SPIDR: variants seen among roughly 807,000 people sequenced by gnomAD.
SPIDR encodes scaffold protein involved in DNA repair, also known as DNA repair-scaffolding protein.
A neutral mutation model predicts 104.6 loss-of-function variants in SPIDR; 93 were observed. The observed-to-expected ratio is 0.89, with a 90% CI of 0.75 to 1.06. The LOEUF (loss-of-function observed/expected upper bound fraction) is 1.06. Among genes scored for constraint, SPIDR ranks in the 50% least tolerant of loss-of-function variants. The probability of loss-of-function intolerance (pLI) is 0.00; values close to 1 mark genes in which losing one functional copy is unlikely to be tolerated. For synonymous variants in SPIDR, 431 were observed against 416.9 expected (o/e 1.03, Z -0.41); for missense variants, 1,154 against 1,111.2 (o/e 1.04, Z -0.55).
chr8:47,324,568 A>T (rs1206892417), intron 5 of SPIDR, among the ~76,000 whole-genome samples: 1 of 152,164 alleles, frequency 6.6e-6, no homozygotes, highest in African/African-American at 2.4e-5. Flanking sequence ...GTCCTTAATC[A>T]CAAGTTAGAG....
At chr8:47,389,113 A>G (rs2060272566) in intron 5 of SPIDR, among the ~76,000 whole-genome samples, 1 of 152,230 alleles carries the variant, frequency 6.6e-6, no homozygotes, top group Non-Finnish European at 1.5e-5. Context: ...TTATGATAAT[A>G]GCTACATAGT....
intron 6 of SPIDR, among the ~76,000 whole-genome samples, chr8:47,405,703 T>C (rs1261723331): frequency 6.6e-6 from 1 of 152,202 alleles, no homozygotes; most frequent in Non-Finnish European, 1.5e-5. Context: ...AGTTTGGCCT[T>C]TATAAATAAC....
intron 8 of SPIDR, among the ~76,000 whole-genome samples, chr8:47,566,985 A>T (rs1222508924): frequency 1.3e-5 from 2 of 152,162 alleles, no homozygotes; most frequent in African/African-American, 2.4e-5. Flanking sequence ...GTCAAACTCT[A>T]ATATATATAA....
chr8:47,527,290 C>T (rs561426905), intron 8 of SPIDR: 4 of 152,314 alleles, frequency 2.6e-5, no homozygotes, highest in Admixed American at 2.6e-4. Flanking sequence ...AACGCCAACA[C>T]CAACTCCAGA....
intron 7 of SPIDR, among the ~76,000 whole-genome samples, chr8:47,430,313 A>G (rs1490437666): frequency 2.0e-5 from 3 of 152,244 alleles, no homozygotes; most frequent in Non-Finnish European, 4.4e-5. Context: ...TCTAGGGGTT[A>G]TGAATTTGCC....
intron 8 of SPIDR, among the ~76,000 whole-genome samples, chr8:47,475,975 G>T (rs1405462010): frequency 6.6e-6 from 1 of 152,130 alleles, no homozygotes; most frequent in East Asian, 1.9e-4. Context: ...TCATTTAAGA[G>T]GAAATACAGT....
In SPIDR at chr8:47,706,603, T is replaced by C. The variant is rs116183796; in HGVS notation, c.1977+4588T>C. ...TCACCAACGATTCCTGTGTTCGCCTTTATAGCCACGTCGATCCTTTTTTCA... is the reference window on the plus strand; with the variant it reads ...TCACCAACGATTCCTGTGTTCGCCTCTATAGCCACGTCGATCCTTTTTTCA... On this transcript the variant is annotated intron_variant, in intron 14 of 19. Coordinates refer to ENST00000297423, the MANE Select transcript of SPIDR (RefSeq NM_001080394.4). Among the ~76,000 whole-genome samples, 348 of 152,258 alleles carry C rather than the reference T, an allele frequency of 2.3e-3. 2 individuals carry two copies. The highest frequency in any genetic ancestry group is 8.2e-3 in the African/African-American group (340 of 41,542).
intron 8 of SPIDR, chr8:47,592,255 A>G (rs1479791597): frequency 3.9e-6 from 5 of 1,268,906 alleles, no homozygotes; most frequent in Non-Finnish European, 5.8e-6. Flanking sequence ...GATCGTCTGG[A>G]TTGGGAGCAC....
chr8:47,262,901 A>T (rs181949895), intron 1 of SPIDR, among the ~76,000 whole-genome samples: 103 of 152,326 alleles, frequency 6.8e-4, no homozygotes, highest in African/African-American at 2.4e-3. Flanking sequence ...CCATCTTCAG[A>T]GGTGACTTTC....
intron 5 of SPIDR, among the ~76,000 whole-genome samples, chr8:47,322,339 G>T (rs1554596620): frequency 6.6e-6 from 1 of 152,196 alleles, no homozygotes; most frequent in Non-Finnish European, 1.5e-5. Context: ...TTGAAAAGAT[G>T]CTCATCATCC....
At chr8:47,271,123 T>A (rs2154214463) in intron 1 of SPIDR, among the ~76,000 whole-genome samples, 1 of 152,310 alleles carries the variant, frequency 6.6e-6, no homozygotes, top group East Asian at 1.9e-4. Flanking sequence ...GTTTTGTACA[T>A]GACGTATATT....
chr8:47,451,596 A>G (rs2071747549), intron 8 of SPIDR, among the ~76,000 whole-genome samples: 1 of 151,834 alleles, frequency 6.6e-6, no homozygotes, highest in Non-Finnish European at 1.5e-5. Flanking sequence ...ACACACACAC[A>G]CACACACACA....
chr8:47,545,133 T>TTTG lies in SPIDR; in HGVS notation c.1098-50674_1098-50672dup, dbSNP rs1587507002. Among the ~76,000 whole-genome samples, 55 of 141,214 alleles carry TTTG rather than the reference T, an allele frequency of 3.9e-4. No individual in the cohort carries two copies. In the East Asian group the frequency reaches 7.8e-3, roughly 20 times the overall value. 92.6% of individuals were successfully genotyped at this position (141,214 alleles called of 152,430 possible). On this transcript the variant is annotated intron_variant, in intron 8 of 19. Transcript: ENST00000297423. ...TTTCTTTCTTTCTTTTTTTTTTTTT[T>TTTG]TTGTTGAAACGGAGTCTCACTGTCT...
At chr8:47,506,927 C>CAGGG (rs1448637463) in intron 8 of SPIDR, among the ~76,000 whole-genome samples, 1 of 152,184 alleles carries the variant, frequency 6.6e-6, no homozygotes, top group African/African-American at 2.4e-5. Context: ...GAGCTCTGTG[C>CAGGG]AGGGAGGCTG....
chr8:47,268,423 T>C (rs2154212485), intron 1 of SPIDR, among the ~76,000 whole-genome samples: 1 of 152,370 alleles, frequency 6.6e-6, no homozygotes, highest in African/African-American at 2.4e-5. Context: ...AGTATTATCA[T>C]CTTAACAATA....
At chr8:47,507,223 G>A (rs2081616647) in intron 8 of SPIDR, among the ~76,000 whole-genome samples, 1 of 152,222 alleles carries the variant, frequency 6.6e-6, no homozygotes, top group Non-Finnish European at 1.5e-5. Flanking sequence ...TTCTTTGTGA[G>A]TAGAGGCTTG....
intron 10 of SPIDR, among the ~76,000 whole-genome samples, chr8:47,658,670 C>A (rs949278187): frequency 1.3e-5 from 2 of 150,828 alleles, no homozygotes; most frequent in Non-Finnish European, 3.0e-5. Flanking sequence ...CTTGGTGGCT[C>A]ACGCCTGTAA....
chr8:47,484,616 C>G (rs782065851), intron 8 of SPIDR, among the ~76,000 whole-genome samples: 1 of 152,142 alleles, frequency 6.6e-6, no homozygotes, highest in Non-Finnish European at 1.5e-5. Context: ...GAGATGGTCT[C>G]GTAGTTCTGG....
chr8:47,585,516 T>C (rs371391793), intron 8 of SPIDR, among the ~76,000 whole-genome samples: 1 of 152,180 alleles, frequency 6.6e-6, no homozygotes, highest in East Asian at 1.9e-4. Flanking sequence ...CTCCTTTCCC[T>C]ACCCCCACCC....
Sources: gnomAD v4.1 joint callset for allele counts (sites outside exome capture counted in the v4.1 genomes callset) on GRCh38, gnomAD v4.1.1 for gene constraint, MANE v1.5 for transcripts, NCBI Gene and HGNC (gene_info 2026-07-23, HGNC 2026-07-21) for gene names.